COX15: variants seen among roughly 807,000 people sequenced by gnomAD.
COX15 encodes cytochrome c oxidase assembly factor COX15.
A neutral mutation model predicts 51.9 loss-of-function variants in COX15; 51 were observed. That is an observed-to-expected ratio of 0.98 (90% confidence interval 0.78 to 1.24). COX15 has a LOEUF of 1.24. COX15 is among the 50% of genes most tolerant of loss of function. The probability of loss-of-function intolerance (pLI) is 0.00; values close to 1 mark genes in which losing one functional copy is unlikely to be tolerated. For synonymous variants in COX15, 188 were observed against 190.5 expected, an observed-to-expected ratio of 0.99 and a Z score of 0.11; for missense variants, 420 against 501.1, an observed-to-expected ratio of 0.84 and a Z score of 1.55.
chr10:99,700,306 C>T, the COX15 span, among the ~76,000 whole-genome samples: 1 of 152,082 alleles, frequency 6.6e-6, no homozygotes, highest in East Asian at 1.9e-4. Context: ...TCTGGGACCA[C>T]TCTATCCAAA....
In COX15 at chr10:99,714,189, GAAGTGAAGTTAAGAT is replaced by G; in HGVS notation, c.*383_*397del. 2 of 1,066,774 alleles carry G rather than the reference GAAGTGAAGTTAAGAT, an allele frequency of 1.9e-6. No individual in the cohort carries two copies. Among genetic ancestry groups the G allele is most frequent in the Non-Finnish European group, 2.3e-6 (2 of 877,738 alleles). 66.1% of individuals were successfully genotyped at this position (1,066,774 alleles called of 1,614,324 possible). A position where few individuals can be genotyped will look rare whatever the true frequency, so the allele number is the denominator to read the frequency against. ...CTATCCTTTCAATCTTCACCTAATG[GAAGTGAAGTTAAGAT>G]CATAAAGAAATTCTATTTAGGCAGA... On this transcript the variant is annotated 3_prime_UTR_variant, in exon 9 of 9. Coordinates refer to ENST00000016171, the MANE Select transcript of COX15 (RefSeq NM_078470.6).
intron 8 of COX15, 66 bp from the exon 9 acceptor site, chr10:99,714,784 G>A: frequency 1.2e-6 from 2 of 1,605,004 alleles, no homozygotes; most frequent in East Asian, 4.5e-5. Context: ...AAATGGCCAG[G>A]CGTGGATAAC....
the COX15 span, among the ~76,000 whole-genome samples, chr10:99,695,803 CTTTG>C: frequency 2.0e-5 from 3 of 152,032 alleles, no homozygotes; most frequent in African/African-American, 4.8e-5. Context: ...CATTTTGTGT[CTTTG>C]TTTAAAATAA....
At chr10:99,724,518 A>G (rs375402991) in intron 4 of COX15, among the ~76,000 whole-genome samples, 1 of 152,216 alleles carries the variant, frequency 6.6e-6, no homozygotes. Context: ...AGCTATCAGG[A>G]GTACTCTCTA....
chr10:99,701,945 G>A, the COX15 span, among the ~76,000 whole-genome samples: 2 of 151,998 alleles, frequency 1.3e-5, no homozygotes, highest in Admixed American at 1.3e-4. Flanking sequence ...CTACTCGGGA[G>A]GCTGAGGCAG....
In COX15 at chr10:99,713,041, G is replaced by A. The variant is rs1182552878; in HGVS notation, c.*1546C>T. 5.1e-6 allele frequency: 6 copies of A among 1,167,024 alleles called. No homozygotes were observed. The highest frequency in any genetic ancestry group is 6.4e-6 in the Non-Finnish European group (6 of 936,466). The allele number at this position is 1,167,024 out of a possible 1,614,324, so 72.3% of individuals were successfully genotyped here. On this transcript the variant is annotated 3_prime_UTR_variant, in exon 9 of 9. Transcript: ENST00000016171. ...ATCTCTTCTTCTGGATACACACTTA[G>A]TGGCCATCAATATCTTGCTTAAATT... is the stretch of plus-strand genomic sequence containing the variant.
At chr10:99,701,427 A>C in the COX15 span, among the ~76,000 whole-genome samples, 1 of 151,768 alleles carries the variant, frequency 6.6e-6, no homozygotes, top group Non-Finnish European at 1.5e-5. Context: ...AGCTGGGACT[A>C]TAGGCACGTG....
intron 6 of COX15, among the ~76,000 whole-genome samples, chr10:99,718,847 TATTTTAGAA>T (rs750026688): frequency 1.8e-4 from 28 of 152,332 alleles, no homozygotes; most frequent in South Asian, 4.1e-4. Context: ...GCTACTGATT[TATTTTAGAA>T]ATGCTCTCCC....
the COX15 span, among the ~76,000 whole-genome samples, chr10:99,701,292 T>A: frequency 6.9e-4 from 3 of 4,374 alleles, no homozygotes; most frequent in Admixed American, 0.013. Flanking sequence ...CAAAAGTGAT[T>A]TTTTTTTTTT....
chr10:99,726,508 G>T (rs1475354292), intron 4 of COX15, among the ~76,000 whole-genome samples: 3 of 152,162 alleles, frequency 2.0e-5, no homozygotes, highest in African/African-American at 7.2e-5. Context: ...TGTCAGAGCT[G>T]GGGCTTGAAG....
the COX15 span, chr10:99,696,263 T>C: frequency 1.0e-6 from 1 of 967,540 alleles, no homozygotes; most frequent in Admixed American, 2.8e-5. Context: ...GGGTAGCATC[T>C]CTTAAAGACC....
chr10:99,715,005 T>C (rs1462752514), intron 8 of COX15, among the ~76,000 whole-genome samples: 1 of 152,234 alleles, frequency 6.6e-6, no homozygotes, highest in South Asian at 2.1e-4. Context: ...GAGAAATAAA[T>C]ATATAGTTTT....
chr10:99,694,432 A>G, the COX15 span, among the ~76,000 whole-genome samples: 1 of 151,624 alleles, frequency 6.6e-6, no homozygotes, highest in African/African-American at 2.4e-5. Context: ...TTGTTTATCC[A>G]TTTATCAGCT....
the COX15 span, chr10:99,695,939 T>G: frequency 1.3e-6 from 2 of 1,582,580 alleles, no homozygotes; most frequent in Non-Finnish European, 1.7e-6. Context: ...CCTTTTTCTC[T>G]TGGTATTGTA....
At chr10:99,710,056 C>T, downstream of COX15, 1 of 985,394 alleles carries the variant, frequency 1.0e-6, no homozygotes, top group Non-Finnish European at 1.2e-6. Flanking sequence ...ACATGCATGA[C>T]TTCAGGCTAG....
At chr10:99,726,721 A>G (rs935462337) in intron 4 of COX15, among the ~76,000 whole-genome samples, 1 of 152,032 alleles carries the variant, frequency 6.6e-6, no homozygotes, top group Non-Finnish European at 1.5e-5. Flanking sequence ...CCCCGTCTCT[A>G]CTAAAAATAC....
At chr10:99,696,005 T>C in the COX15 span, 1 of 1,614,156 alleles carries the variant, frequency 6.2e-7, no homozygotes, top group Non-Finnish European at 8.5e-7. Context: ...GGCTGTGATG[T>C]GCAACACACT....
Position 99,714,341 on chromosome 10 carries a change from C to A in COX15, c.*246G>T, listed in dbSNP as rs1432663869. 7.7e-7 allele frequency: 1 copy of A among 1,292,216 alleles called. No individual in the cohort carries two copies. Among genetic ancestry groups the A allele is most frequent in the Non-Finnish European group, 9.9e-7 (1 of 1,010,884 alleles). 80.0% of individuals were successfully genotyped at this position (1,292,216 alleles called of 1,614,324 possible). On this transcript the variant is annotated 3_prime_UTR_variant, in exon 9 of 9. Coordinates refer to ENST00000016171, the MANE Select transcript of COX15 (RefSeq NM_078470.6). ...GTTAAGCAGCAAATGGCAGACATTT[C>A]TTTCTCTACATTAAAACTGATTTTC... is the stretch of plus-strand genomic sequence containing the variant.
chr10:99,726,834 C>T (rs1419634914), intron 4 of COX15, 134 bp downstream of exon 4: 28 of 846,096 alleles, frequency 3.3e-5, no homozygotes, highest in East Asian at 2.4e-4. Flanking sequence ...TGCAGTGAGC[C>T]GAGATCACGC....
Sources: gnomAD v4.1 joint callset for allele counts (sites outside exome capture counted in the v4.1 genomes callset) on GRCh38, gnomAD v4.1.1 for gene constraint, MANE v1.5 for transcripts, NCBI Gene and HGNC (gene_info 2026-07-23, HGNC 2026-07-21) for gene names.